PCDHGA5: variants seen among roughly 807,000 people sequenced by gnomAD.
The protein encoded by PCDHGA5 is protocadherin gamma-A5.
In PCDHGA5, 36 loss-of-function variants were observed where a neutral mutation model predicts 56.7. The observed-to-expected ratio is 0.64, with a 90% CI of 0.49 to 0.84. The LOEUF is 0.84. Ranked by LOEUF, PCDHGA5 falls within the 40% of genes least tolerant of loss-of-function variation. The probability of loss-of-function intolerance (pLI) is 0.00; values close to 1 mark genes in which losing one functional copy is unlikely to be tolerated. For synonymous variants in PCDHGA5, 563 were observed against 520.2 expected (o/e 1.08, Z -1.12); for missense variants, 1,305 against 1,201.5 (o/e 1.09, Z -1.27).
intron 1 of PCDHGA5, chr5:141,375,310 T>C: frequency 6.2e-7 from 1 of 1,613,814 alleles, no homozygotes; most frequent in Non-Finnish European, 8.5e-7. Context: ...CAAATGCAGC[T>C]CTAGACCGGG....
intron 1 of PCDHGA5, among the ~76,000 whole-genome samples, chr5:141,472,718 G>A (rs980710833): frequency 1.3e-5 from 2 of 152,002 alleles, no homozygotes; most frequent in Non-Finnish European, 2.9e-5. Context: ...AGGCGCTGTG[G>A]CTCACACCTG....
chr5:141,394,580 C>G, intron 1 of PCDHGA5: 1 of 1,613,914 alleles, frequency 6.2e-7, no homozygotes, highest in Non-Finnish European at 8.5e-7. Flanking sequence ...ACCTGGTGAC[C>G]AAGGTGGTGG....
chr5:141,368,022 A>C lies in PCDHGA5; in HGVS notation c.2421+1271A>C, dbSNP rs148102234. 3.7e-3 allele frequency among the ~76,000 whole-genome samples: 559 copies of C among 152,344 alleles called. 6 individuals are homozygous for C. Among genetic ancestry groups the C allele is most frequent in the African/African-American group, 0.013 (529 of 41,584 alleles). On this transcript the variant is annotated intron_variant, in intron 1 of 3. Coordinates refer to ENST00000518069, the MANE Select transcript of PCDHGA5 (RefSeq NM_018918.3). ...AATGAAATACTGGCCTATGTGCCTC[A>C]AATTCCAGGAGGATGTGTTATGTAA...
intron 1 of PCDHGA5, chr5:141,405,588 G>T: frequency 1.7e-6 from 1 of 584,820 alleles, no homozygotes; most frequent in Non-Finnish European, 3.0e-6. Flanking sequence ...GGGACTACAG[G>T]CCTCCCAAGT....
rs2099701571 is a variant in PCDHGA5, at chr5:141,490,550, A to G, written c.2422-4257A>G. On this transcript the variant is annotated intron_variant, in intron 1 of 3. Coordinates refer to ENST00000518069, the MANE Select transcript of PCDHGA5 (RefSeq NM_018918.3). This position sits in a 1 kb window ranked among gnomAD's most constrained non-coding sequence, Gnocchi z 5.4. ...GCTGGTTCACCTTCCCTACACAAACATCTCACCATCAGGCTCAACATTTCA... is the reference window on the plus strand; with the variant it reads ...GCTGGTTCACCTTCCCTACACAAACGTCTCACCATCAGGCTCAACATTTCA... 1 of 1,614,092 alleles carries G rather than the reference A, an allele frequency of 6.2e-7. No individual in the cohort carries two copies.
intron 1 of PCDHGA5, chr5:141,404,821 A>C: frequency 6.2e-7 from 1 of 1,613,788 alleles, no homozygotes; most frequent in Non-Finnish European, 8.5e-7. Flanking sequence ...GGCTGCACAC[A>C]GGTGAAGTGC....
At chr5:141,446,447 A>G (rs2098502204) in intron 1 of PCDHGA5, among the ~76,000 whole-genome samples, 1 of 151,946 alleles carries the variant, frequency 6.6e-6, no homozygotes, top group Non-Finnish European at 1.5e-5. Context: ...AACAGTGCAG[A>G]TATTCAGTGT....
intron 1 of PCDHGA5, chr5:141,417,490 T>C (rs1296739869): frequency 4.7e-6 from 1 of 210,618 alleles, no homozygotes; most frequent in Non-Finnish European, 9.3e-6. Context: ...AAGGAATCAC[T>C]GAGGAAAAAG....
intron 1 of PCDHGA5, among the ~76,000 whole-genome samples, chr5:141,473,390 A>T (rs554428702): frequency 1.3e-5 from 2 of 152,190 alleles, no homozygotes; most frequent in Non-Finnish European, 2.9e-5. Flanking sequence ...GCCCTCCTGG[A>T]GCTTCTTTTT....
Position 141,490,754 on chromosome 5 carries a change from CCTT to C in PCDHGA5, c.2422-4052_2422-4050del, listed in dbSNP as rs775582875. ...CAGGTTCAGGGAGCCCCAGCCTCCT[CCTT>C]TGTGTATGTCAACCCAGAGGATGGA... On this transcript the variant is annotated intron_variant, in intron 1 of 3. Transcript: ENST00000518069. The surrounding 1 kb of genome is among the most constrained non-coding windows in gnomAD (Gnocchi z 5.4). 3.1e-6 allele frequency: 5 copies of C among 1,614,200 alleles called. No individual in the cohort carries two copies. The highest frequency in any genetic ancestry group is 3.4e-6 in the Non-Finnish European group (4 of 1,180,038).
Position 141,486,979 on chromosome 5 carries a change from C to T in PCDHGA5, c.2422-7828C>T. On this transcript the variant is annotated intron_variant, in intron 1 of 3. Transcript: ENST00000518069. This position sits in a 1 kb window ranked among gnomAD's most constrained non-coding sequence, Gnocchi z 5.0. ...CTGCTGTGGACTTGGATTCAGGTTACAATGCTTGGGTTTCCTATCAGCTCC... is the reference window on the plus strand; with the variant it reads ...CTGCTGTGGACTTGGATTCAGGTTATAATGCTTGGGTTTCCTATCAGCTCC... 6.2e-7 allele frequency: 1 copy of T among 1,614,200 alleles called. No individual in the cohort carries two copies. Among genetic ancestry groups the T allele is most frequent in the Non-Finnish European group, 8.5e-7 (1 of 1,180,032 alleles).
Position 141,409,599 on chromosome 5 carries a change from C to A in PCDHGA5, c.2421+42848C>A, listed in dbSNP as rs753753955. The A allele has an allele frequency of 9.9e-6, 16 of 1,613,822 alleles. No individual in the cohort carries two copies. The Admixed American group carries it at 2.2e-4, about 22-fold the overall frequency. ...GTGGTCCACGTGGCCGAGAACAACC[C>A]GCCAGGAGCCTCCATTGCGCAAGTG... On this transcript the variant is annotated intron_variant, in intron 1 of 3. Transcript: ENST00000518069.
At chr5:141,370,007 A>G (rs1350230524) in intron 1 of PCDHGA5, among the ~76,000 whole-genome samples, 1 of 152,272 alleles carries the variant, frequency 6.6e-6, no homozygotes, top group South Asian at 2.1e-4. Flanking sequence ...AAATTAAAAG[A>G]AATAACAGAC....
chr5:141,510,083 G>A (rs2099879432), intron 3 of PCDHGA5, among the ~76,000 whole-genome samples: 1 of 152,104 alleles, frequency 6.6e-6, no homozygotes, highest in Non-Finnish European at 1.5e-5. Flanking sequence ...CAGAGTGCCT[G>A]GCACACAGTA....
intron 1 of PCDHGA5, chr5:141,393,560 G>A (rs1448273528): frequency 1.5e-5 from 24 of 1,613,796 alleles, no homozygotes; most frequent in Non-Finnish European, 2.0e-5. Context: ...TTTACCGAGT[G>A]AAAGTCCTTG....
chr5:141,381,768 C>T (rs1777418616), intron 1 of PCDHGA5, among the ~76,000 whole-genome samples: 1 of 150,172 alleles, frequency 6.7e-6, no homozygotes, highest in Non-Finnish European at 1.5e-5. Context: ...ACTATATAAT[C>T]AATAATCAGG....
intron 1 of PCDHGA5, chr5:141,415,500 C>G (rs754684999): frequency 6.2e-6 from 10 of 1,614,074 alleles, no homozygotes; most frequent in Non-Finnish European, 8.5e-6. Context: ...TGATCTTCCC[C>G]CAGCCCAATT....
At chr5:141,414,699 C>T (rs2095778847) in intron 1 of PCDHGA5, 2 of 1,613,952 alleles carry the variant, frequency 1.2e-6, no homozygotes, top group Non-Finnish European at 1.7e-6. Context: ...TGTCCTCATA[C>T]ATATCCATCA....
Position 141,389,845 on chromosome 5 carries a change from C to A in PCDHGA5, c.2421+23094C>A, listed in dbSNP as rs572208776. 5.0e-5 allele frequency: 80 copies of A among 1,614,054 alleles called. No homozygotes were observed. In the Admixed American group the frequency reaches 1.3e-3, roughly 27 times the overall value. On this transcript the variant is annotated intron_variant, in intron 1 of 3. Transcript: ENST00000518069. ...GACGGTGGACAGCCACCACTCTCGG[C>A]CACTGCCACGTTGCACCTGGTCTTC...
Sources: allele counts gnomAD v4.1 joint callset (sites outside exome capture counted in the v4.1 genomes callset), GRCh38; gene constraint gnomAD v4.1.1; non-coding constraint Gnocchi (gnomAD v3.1); transcripts MANE v1.5; gene names NCBI Gene and HGNC (gene_info 2026-07-23, HGNC 2026-07-21).